PPP3CA: variants seen among roughly 807,000 people sequenced by gnomAD.
PPP3CA encodes protein phosphatase 3 catalytic subunit alpha.
In PPP3CA, 14 loss-of-function variants were observed where a neutral mutation model predicts 66.5. The observed-to-expected ratio is 0.21, with a 90% CI of 0.14 to 0.33. PPP3CA has a LOEUF of 0.33. Ranked by LOEUF, PPP3CA falls within the 10% of genes least tolerant of loss-of-function variation. The pLI is 1.00. For synonymous variants in PPP3CA, 232 were observed against 226.2 expected (o/e 1.03, Z -0.23); for missense variants, 317 against 639.5 (o/e 0.50, Z 5.44).
chr4:101,303,445 C>T (rs1313631670), intron 1 of PPP3CA, among the ~76,000 whole-genome samples: 2 of 152,160 alleles, frequency 1.3e-5, no homozygotes, highest in South Asian at 2.1e-4. Flanking sequence ...TATGTACCTA[C>T]ATATCTACAA....
At position 101,080,533 on chromosome 4, in the gene PPP3CA, T is replaced by C. The variant is rs755261357; in HGVS notation, c.954A>G (p.Lys318=). ...APNYLDVYNN[K]AAVLKYENNV... is the part of the protein sequence containing the mutation. ...CAAGAGGTATTTAAAAACACTTACC[T>C]TTGTTATTGTATACATCTAAGTAAT... Residue 318 remains lysine (K), a splice_region_variant and synonymous_variant, in exon 8 of 14, where the codon AAA becomes AAG. Coordinates refer to ENST00000394854, the MANE Select transcript of PPP3CA (RefSeq NM_000944.5). The C allele has an allele frequency of 7.0e-7, 1 of 1,437,304 alleles. No individual in the cohort carries two copies. Among genetic ancestry groups the C allele is most frequent in the East Asian group, 2.3e-5 (1 of 42,830 alleles). 89.0% of individuals were successfully genotyped at this position (1,437,304 alleles called of 1,614,324 possible).
chr4:101,123,508 G>A (rs1235001275), intron 2 of PPP3CA, among the ~76,000 whole-genome samples: 1 of 152,118 alleles, frequency 6.6e-6, no homozygotes, highest in Non-Finnish European at 1.5e-5. Flanking sequence ...GTTTAGGTGT[G>A]GAATGAAAAG....
intron 2 of PPP3CA, among the ~76,000 whole-genome samples, chr4:101,158,603 G>A (rs985229973): frequency 1.3e-5 from 2 of 152,134 alleles, no homozygotes; most frequent in Admixed American, 1.3e-4. Flanking sequence ...GGTGCCACAC[G>A]GCAGGTCTAG....
At chr4:101,344,801 G>A (rs1478804542) in intron 1 of PPP3CA, among the ~76,000 whole-genome samples, 1 of 152,148 alleles carries the variant, frequency 6.6e-6, no homozygotes, top group Non-Finnish European at 1.5e-5. Flanking sequence ...ATTTAAAACA[G>A]GGAATGTGAC....
At chr4:101,273,755 A>G (rs1251669200) in intron 1 of PPP3CA, among the ~76,000 whole-genome samples, 2 of 152,240 alleles carry the variant, frequency 1.3e-5, no homozygotes, top group Admixed American at 1.3e-4. Flanking sequence ...AGAATGAATG[A>G]AAGAATAGAA....
intron 6 of PPP3CA, among the ~76,000 whole-genome samples, chr4:101,091,430 T>A (rs1051035102): frequency 6.6e-6 from 1 of 152,136 alleles, no homozygotes; most frequent in Non-Finnish European, 1.5e-5. Context: ...TAAACCACAT[T>A]TCCAAAATAT....
rs1425538848 is a variant in PPP3CA, at chr4:101,178,309, T to G, written c.259+17607A>C. ...CATGAATCCATGTTTCAGTTTTACT[T>G]TATATGCAAATATTCAGATTTTATT... is the stretch of plus-strand genomic sequence containing the variant. On this transcript the variant is annotated intron_variant, in intron 2 of 13. Transcript: ENST00000394854. 5.1e-4 allele frequency among the ~76,000 whole-genome samples: 77 copies of G among 152,236 alleles called. 1 individual carries two copies.
At chr4:101,324,806 T>C (rs1304541664) in intron 1 of PPP3CA, among the ~76,000 whole-genome samples, 1 of 152,186 alleles carries the variant, frequency 6.6e-6, no homozygotes, top group Non-Finnish European at 1.5e-5. Context: ...TTTTATGCCA[T>C]CAGGAGCCAA....
At chr4:101,161,078 A>G (rs1723491067) in intron 2 of PPP3CA, among the ~76,000 whole-genome samples, 1 of 152,142 alleles carries the variant, frequency 6.6e-6, no homozygotes, top group Admixed American at 6.5e-5. Flanking sequence ...TAGATATGTT[A>G]TATACACAAA....
intron 1 of PPP3CA, among the ~76,000 whole-genome samples, chr4:101,290,289 C>A (rs931402573): frequency 2.0e-5 from 3 of 152,180 alleles, no homozygotes; most frequent in Admixed American, 2.0e-4. Context: ...TTATCTGGTG[C>A]AGTCCCAGGA....
chr4:101,032,903 A>AACAC (rs1446603116), intron 11 of PPP3CA, among the ~76,000 whole-genome samples: 1 of 152,238 alleles, frequency 6.6e-6, no homozygotes, highest in East Asian at 1.9e-4. Flanking sequence ...TTACATGAAA[A>AACAC]ACACATAAAA....
chr4:101,196,603 G>C (rs1252723330), intron 1 of PPP3CA, among the ~76,000 whole-genome samples: 1 of 152,144 alleles, frequency 6.6e-6, no homozygotes, highest in East Asian at 1.9e-4. Flanking sequence ...TCTACTCACT[G>C]TATAAGAAAA....
chr4:101,131,421 GA>G (rs60025424), intron 2 of PPP3CA, among the ~76,000 whole-genome samples: 28,419 of 102,350 alleles, frequency 0.28, 2,985 homozygotes, highest in Admixed American at 0.42. Context: ...CAAATAGAAA[GA>G]AAAAAAAAAA....
intron 11 of PPP3CA, among the ~76,000 whole-genome samples, chr4:101,036,874 G>T (rs1727276566): frequency 6.6e-6 from 1 of 152,100 alleles, no homozygotes; most frequent in African/African-American, 2.4e-5. Flanking sequence ...TTAGACAATG[G>T]CATCCTATCA....
chr4:101,284,207 A>AAGCGTAATCAGGAAGTATAAC (rs1431378541), intron 1 of PPP3CA, among the ~76,000 whole-genome samples: 2 of 152,176 alleles, frequency 1.3e-5, no homozygotes, highest in African/African-American at 2.4e-5. Flanking sequence ...TTGTATCCAT[A>AAGCGTAATCAGGAAGTATAAC]AGCGTAATCA....
At chr4:101,233,305 G>A (rs755161000) in intron 1 of PPP3CA, among the ~76,000 whole-genome samples, 8 of 151,628 alleles carry the variant, frequency 5.3e-5, no homozygotes, top group Non-Finnish European at 1.0e-4. Flanking sequence ...CTGGATGCAG[G>A]GCTTTTAGTG....
intron 5 of PPP3CA, among the ~76,000 whole-genome samples, chr4:101,097,152 T>C (rs548794061): frequency 6.6e-6 from 1 of 152,254 alleles, no homozygotes; most frequent in Non-Finnish European, 1.5e-5. Context: ...TATCATACAT[T>C]AGGCTTAAAT....
At chr4:101,344,707 G>A (rs1216167161) in intron 1 of PPP3CA, among the ~76,000 whole-genome samples, 2 of 152,124 alleles carry the variant, frequency 1.3e-5, no homozygotes, top group African/African-American at 4.8e-5. Flanking sequence ...AAGCAGTAGA[G>A]AAACTAAGCC....
chr4:101,312,079 G>A (rs1372179337), intron 1 of PPP3CA, among the ~76,000 whole-genome samples: 1 of 152,090 alleles, frequency 6.6e-6, no homozygotes, highest in Non-Finnish European at 1.5e-5. Flanking sequence ...GGCTTACACA[G>A]ACATTTCATT....
Sources: gnomAD v4.1 joint callset for allele counts (sites outside exome capture counted in the v4.1 genomes callset) on GRCh38, gnomAD v4.1.1 for gene constraint, MANE v1.5 for transcripts, NCBI Gene and HGNC (gene_info 2026-07-23, HGNC 2026-07-21) for gene names.